KCNMA1: variants seen among roughly 807,000 people sequenced by gnomAD.
KCNMA1 encodes potassium calcium-activated channel subfamily M alpha 1.
A neutral mutation model predicts 140.0 loss-of-function variants in KCNMA1; 29 were observed. That is an observed-to-expected ratio of 0.21 (90% CI 0.15 to 0.28). The LOEUF (loss-of-function observed/expected upper bound fraction) is 0.28. Ranked by LOEUF, KCNMA1 falls within the 10% of genes least tolerant of loss-of-function variation. KCNMA1 has a pLI of 1.00. For synonymous variants in KCNMA1, 612 were observed against 611.9 expected, an observed-to-expected ratio of 1.00 and a Z score of 0.00; for missense variants, 880 against 1,602.2, an observed-to-expected ratio of 0.55 and a Z score of 7.70.
Position 76,885,987 on chromosome 10 carries a change from G to A in KCNMA1, c.*1279C>T, listed in dbSNP as rs984513488. 2.0e-6 allele frequency: 2 copies of A among 985,360 alleles called. No individual in the cohort carries two copies. The highest frequency in any genetic ancestry group is 2.4e-6 in the Non-Finnish European group (2 of 829,958). The allele number at this position is 985,360 out of a possible 1,614,324, so 61.0% of individuals were successfully genotyped here. A position where few individuals can be genotyped will look rare whatever the true frequency, so the allele number is the denominator to read the frequency against. On this transcript the variant is annotated 3_prime_UTR_variant, in exon 28 of 28. Coordinates refer to ENST00000286628, the MANE Select transcript of KCNMA1 (RefSeq NM_001161352.2). The stretch of plus-strand genomic sequence containing the variant: ...GCCTAAATTGGCTACATTAAAGAAA[G>A]TGATGATGAGGAATTCCTTCCCACC...
At chr10:77,408,513 CAT>C (rs1285574409) in intron 1 of KCNMA1, among the ~76,000 whole-genome samples, 104 of 151,768 alleles carry the variant, frequency 6.9e-4, no homozygotes, top group Admixed American at 6.6e-3. Flanking sequence ...AGAATGTGTG[CAT>C]GTGTGTGTGC....
At chr10:77,172,703 A>C (rs201298292) in intron 5 of KCNMA1, among the ~76,000 whole-genome samples, 91 of 6,314 alleles carry the variant, frequency 0.014, no homozygotes, top group East Asian at 0.048. Flanking sequence ...AAAAAAAAAC[A>C]AAAAAAAAAA....
chr10:77,124,121 C>T (rs906614863), intron 5 of KCNMA1, among the ~76,000 whole-genome samples: 1 of 152,214 alleles, frequency 6.6e-6, no homozygotes, highest in Non-Finnish European at 1.5e-5. Flanking sequence ...GAAATACATG[C>T]TAGCAATGTA....
chr10:76,957,021 G>T (rs35799695), intron 20 of KCNMA1, among the ~76,000 whole-genome samples: 2 of 151,068 alleles, frequency 1.3e-5, no homozygotes, highest in Non-Finnish European at 2.9e-5. Flanking sequence ...TACTCTACTC[G>T]GGAGGCTGAG....
downstream of KCNMA1, chr10:76,884,085 A>T: frequency 1.7e-6 from 1 of 576,310 alleles, no homozygotes; most frequent in Non-Finnish European, 2.2e-6. Context: ...TCACAATATC[A>T]TCTCATTGGA....
chr10:77,182,816 G>C (rs1303161793), intron 5 of KCNMA1, among the ~76,000 whole-genome samples: 1 of 152,138 alleles, frequency 6.6e-6, no homozygotes, highest in Admixed American at 6.5e-5. Flanking sequence ...CTCTGGTCAA[G>C]TTACTTTCTC....
intron 23 of KCNMA1, 145 bp downstream of exon 23, chr10:76,944,628 C>G (rs1324943753): frequency 2.7e-6 from 2 of 730,520 alleles, no homozygotes; most frequent in African/African-American, 3.5e-5. Context: ...AGCAGATGCC[C>G]CTTTGAAAGC....
At chr10:77,534,704 C>T (rs557388168) in intron 1 of KCNMA1, among the ~76,000 whole-genome samples, 20 of 152,210 alleles carry the variant, frequency 1.3e-4, no homozygotes, top group African/African-American at 2.4e-4. Flanking sequence ...CACAACAGAA[C>T]GACTACAGTT....
intron 2 of KCNMA1, among the ~76,000 whole-genome samples, chr10:77,332,369 C>T (rs1018542205): frequency 1.3e-5 from 2 of 152,216 alleles, no homozygotes; most frequent in African/African-American, 2.4e-5. Context: ...AACTCTCAGC[C>T]ACCCACCCAA....
At chr10:77,452,103 A>T (rs2154520428) in intron 1 of KCNMA1, among the ~76,000 whole-genome samples, 1 of 152,328 alleles carries the variant, frequency 6.6e-6, no homozygotes, top group Admixed American at 6.5e-5. Context: ...AAATTCAACA[A>T]GACCCTGCCC....
At chr10:77,060,481 A>G (rs2095700049) in intron 14 of KCNMA1, among the ~76,000 whole-genome samples, 1 of 152,120 alleles carries the variant, frequency 6.6e-6, no homozygotes, top group Non-Finnish European at 1.5e-5. Context: ...TGGGGTGCAG[A>G]GTACTTGTTT....
At chr10:76,989,805 A>C (rs2082252004) in intron 19 of KCNMA1, among the ~76,000 whole-genome samples, 1 of 94,578 alleles carries the variant, frequency 1.1e-5, no homozygotes, top group African/African-American at 4.4e-5. Flanking sequence ...ACAGTCAGTC[A>C]TTTGAAAAAA....
At chr10:77,327,118 T>C (rs191265817) in intron 2 of KCNMA1, among the ~76,000 whole-genome samples, 2 of 152,086 alleles carry the variant, frequency 1.3e-5, no homozygotes, top group Admixed American at 1.3e-4. Flanking sequence ...TTCCCCCTCC[T>C]AGCAGTGGGT....
chr10:77,514,793 G>A (rs914413887), intron 1 of KCNMA1, among the ~76,000 whole-genome samples: 9 of 152,298 alleles, frequency 5.9e-5, no homozygotes, highest in African/African-American at 9.6e-5. Flanking sequence ...ACCTGTGGGC[G>A]CTCTGTGCTC....
chr10:77,096,681 A>C (rs1414558567), intron 9 of KCNMA1, among the ~76,000 whole-genome samples: 1 of 152,228 alleles, frequency 6.6e-6, no homozygotes, highest in African/African-American at 2.4e-5. Context: ...TTGTCACAAT[A>C]AATCAGACAG....
rs2096296956 is a variant in KCNMA1 at position 77,073,919 on chromosome 10, C to T, written c.1594-667G>A. Among the ~76,000 whole-genome samples the T allele has an allele frequency of 2.6e-5, 4 of 152,178 alleles. No individual in the cohort carries two copies. The South Asian group carries it at 8.3e-4, about 31-fold the overall frequency. The stretch of plus-strand genomic sequence containing the variant: ...TTGCAAATGGACTGGTCCTATTCAA[C>T]CCTTATGTCAGGCCCTGAGACAAGA... On this transcript the variant is annotated intron_variant, in intron 13 of 27. Coordinates refer to ENST00000286628, the MANE Select transcript of KCNMA1 (RefSeq NM_001161352.2).
intron 1 of KCNMA1, among the ~76,000 whole-genome samples, chr10:77,519,828 C>T (rs1453178508): frequency 6.6e-6 from 1 of 152,140 alleles, no homozygotes; most frequent in Non-Finnish European, 1.5e-5. Context: ...CAGAAAAGGG[C>T]CTTGTTTGAG....
chr10:77,267,896 T>A (rs1252877069), intron 2 of KCNMA1, among the ~76,000 whole-genome samples: 1 of 152,170 alleles, frequency 6.6e-6, no homozygotes, highest in East Asian at 1.9e-4. Context: ...TAAAAGGAAT[T>A]CCCTGTTATA....
At chr10:77,032,511 C>A (rs1207739263) in intron 15 of KCNMA1, among the ~76,000 whole-genome samples, 2 of 152,090 alleles carry the variant, frequency 1.3e-5, no homozygotes, top group African/African-American at 2.4e-5. Flanking sequence ...TAAAATGCCC[C>A]AGTATGTCCA....
Sources: gnomAD v4.1 joint callset for allele counts (sites outside exome capture counted in the v4.1 genomes callset) on GRCh38, gnomAD v4.1.1 for gene constraint, MANE v1.5 for transcripts, NCBI Gene and HGNC (gene_info 2026-07-23, HGNC 2026-07-21) for gene names.